The following NELL1 variants were observed in gnomAD, a reference collection of about 807,000 sequenced individuals.
The protein encoded by NELL1 is neural EGFL like 1.
Under a neutral mutation model 107.4 loss-of-function variants are expected in NELL1, and 76 were observed. The ratio of observed to expected loss-of-function variants is 0.71; its 90% CI spans 0.59 to 0.86. The LOEUF is 0.86. Ranked by LOEUF, NELL1 falls within the 40% of genes least tolerant of loss-of-function variation. The pLI is 0.00. For synonymous variants in NELL1, 353 were observed against 341.2 expected, an observed-to-expected ratio of 1.03 and a Z score of -0.38; for missense variants, 1,024 against 1,005.5, an observed-to-expected ratio of 1.02 and a Z score of -0.25.
chr11:20,850,039 G>A (rs1201428056), intron 4 of NELL1, among the ~76,000 whole-genome samples: 1 of 152,210 alleles, frequency 6.6e-6, no homozygotes, highest in Admixed American at 6.5e-5. Context: ...ATTTGGTGGA[G>A]AGGCTGGGCT....
intron 13 of NELL1, among the ~76,000 whole-genome samples, chr11:21,122,483 AATCT>A (rs1855392066): frequency 6.6e-6 from 1 of 152,118 alleles, no homozygotes; most frequent in Admixed American, 6.6e-5. Context: ...CTATCTATTT[AATCT>A]ATCTGTCTAT....
intron 3 of NELL1, among the ~76,000 whole-genome samples, chr11:20,828,342 A>C (rs980841627): frequency 4.3e-5 from 6 of 140,680 alleles, no homozygotes; most frequent in Non-Finnish European, 9.9e-5. Context: ...TGCATGTTCT[A>C]CTCTTGGAAT....
Position 21,130,518 on chromosome 11 carries a change from C to T in NELL1, c.1426+16804C>T, listed in dbSNP as rs188637785. Among the ~76,000 whole-genome samples, 413 of 152,302 alleles carry T rather than the reference C, an allele frequency of 2.7e-3. 2 individuals carry two copies. The highest frequency in any genetic ancestry group is 9.3e-3 in the African/African-American group (388 of 41,564). Reference sequence around the variant, plus strand: ...TGTCCCATGTCTGATAACAAGGCCTCCACATCTAAATCTACAGGGTAAACA... The same window carrying T: ...TGTCCCATGTCTGATAACAAGGCCTTCACATCTAAATCTACAGGGTAAACA... On this transcript the variant is annotated intron_variant, in intron 13 of 19. Transcript: ENST00000357134.
At position 21,179,893 on chromosome 11, in the gene NELL1, G is replaced by A. The variant is rs914661892; in HGVS notation, c.1427-49439G>A. Among the ~76,000 whole-genome samples, 6 of 37,026 alleles carry A rather than the reference G, an allele frequency of 1.6e-4. No individual in the cohort carries two copies. The Admixed American group carries it at 2.1e-3, about 13-fold the overall frequency. 24.3% of individuals were successfully genotyped at this position (37,026 alleles called of 152,430 possible). On this transcript the variant is annotated intron_variant, in intron 13 of 19. Transcript: ENST00000357134. ...TTTTTTTTTTTTTTTTTTTTGTAAAGGTCTAGCAAGTAAATATTTTAGGTT... is the reference window on the plus strand; with the variant it reads ...TTTTTTTTTTTTTTTTTTTTGTAAAAGTCTAGCAAGTAAATATTTTAGGTT...
intron 3 of NELL1, among the ~76,000 whole-genome samples, chr11:20,793,854 A>G (rs1439615296): frequency 6.6e-6 from 1 of 152,126 alleles, no homozygotes; most frequent in African/African-American, 2.4e-5. Context: ...TTTGAGTTGC[A>G]GAATTTTTTT....
At chr11:20,873,959 C>T (rs1279319850) in intron 4 of NELL1, among the ~76,000 whole-genome samples, 1 of 152,072 alleles carries the variant, frequency 6.6e-6, no homozygotes, top group Admixed American at 6.6e-5. Flanking sequence ...AGATGTGGGT[C>T]TTCCTATGTT....
chr11:20,851,364 A>C (rs2134062113), intron 4 of NELL1, among the ~76,000 whole-genome samples: 1 of 152,280 alleles, frequency 6.6e-6, no homozygotes, highest in Middle Eastern at 3.4e-3. Context: ...CTTAGTTAGA[A>C]GTTCCTGATG....
chr11:20,742,959 G>GATAT (rs1218718537), intron 2 of NELL1, among the ~76,000 whole-genome samples: 4 of 151,914 alleles, frequency 2.6e-5, no homozygotes, highest in African/African-American at 9.7e-5. Context: ...ATTTTCAATA[G>GATAT]ATATATACAT....
intron 12 of NELL1, among the ~76,000 whole-genome samples, chr11:20,993,859 G>T (rs1376787931): frequency 6.9e-6 from 1 of 144,582 alleles, no homozygotes; most frequent in East Asian, 2.0e-4. Context: ...GGGACCCATG[G>T]ATACAGAGAG....
intron 14 of NELL1, among the ~76,000 whole-genome samples, chr11:21,246,825 G>A (rs1447905784): frequency 6.6e-6 from 1 of 152,080 alleles, no homozygotes; most frequent in African/African-American, 2.4e-5. Flanking sequence ...AAGGCAAAAG[G>A]CACACCTTAC....
intron 12 of NELL1, among the ~76,000 whole-genome samples, chr11:21,004,002 C>A (rs1203819070): frequency 6.6e-6 from 1 of 152,082 alleles, no homozygotes; most frequent in Non-Finnish European, 1.5e-5. Flanking sequence ...TTCCATTGCC[C>A]TTGAATCTCT....
chr11:21,190,110 T>C (rs531183381), intron 13 of NELL1, among the ~76,000 whole-genome samples: 1 of 151,854 alleles, frequency 6.6e-6, no homozygotes, highest in East Asian at 1.9e-4. Context: ...CCCAGCACTT[T>C]GGGAGGCCGA....
At chr11:21,553,868 T>C (rs1420014868) in intron 16 of NELL1, among the ~76,000 whole-genome samples, 1 of 151,864 alleles carries the variant, frequency 6.6e-6, no homozygotes, top group Non-Finnish European at 1.5e-5. Flanking sequence ...GGAAAGTAAT[T>C]CTTTTCAGCA....
rs181382578 is a variant in NELL1 at position 21,319,678 on chromosome 11, G to A, written c.1550-51175G>A. Among the ~76,000 whole-genome samples, 23 of 151,726 alleles carry A rather than the reference G, an allele frequency of 1.5e-4. No individual in the cohort carries two copies. In the East Asian group the frequency reaches 3.5e-3, roughly 23 times the overall value. ...AAAAACAAACTCTTGGGCTAGGTGC[G>A]GTGGCTCATGCCTGTAATCCCAGCA... On this transcript the variant is annotated intron_variant, in intron 14 of 19. Coordinates refer to ENST00000357134, the MANE Select transcript of NELL1 (RefSeq NM_006157.5).
intron 2 of NELL1, among the ~76,000 whole-genome samples, chr11:20,767,518 G>A (rs1180106408): frequency 6.6e-6 from 1 of 152,070 alleles, no homozygotes. Context: ...AGCGCTGATT[G>A]GTGCATTTTT....
chr11:21,024,479 G>T (rs923327870), intron 12 of NELL1, among the ~76,000 whole-genome samples: 1 of 152,114 alleles, frequency 6.6e-6, no homozygotes, highest in South Asian at 2.1e-4. Flanking sequence ...ACTTTGAAGT[G>T]TTAGTTAAAA....
intron 14 of NELL1, among the ~76,000 whole-genome samples, chr11:21,288,167 G>T (rs1267765974): frequency 6.6e-6 from 1 of 151,622 alleles, no homozygotes; most frequent in Non-Finnish European, 1.5e-5. Context: ...AGGAAGGAAG[G>T]GCTTACTCCT....
intron 4 of NELL1, among the ~76,000 whole-genome samples, chr11:20,870,383 G>T (rs11825273): frequency 0.036 from 5,466 of 151,762 alleles, 298 homozygotes; most frequent in African/African-American, 0.13. Context: ...TTTGGTCTTG[G>T]AAATTAAAGG....
intron 4 of NELL1, among the ~76,000 whole-genome samples, chr11:20,864,194 A>G (rs943361036): frequency 6.6e-6 from 1 of 152,216 alleles, no homozygotes; most frequent in East Asian, 1.9e-4. Context: ...TTTTTTAAAT[A>G]GAAAATTGTA....
Sources: allele counts gnomAD v4.1 joint callset (sites outside exome capture counted in the v4.1 genomes callset), GRCh38; gene constraint gnomAD v4.1.1; transcripts MANE v1.5; gene names NCBI Gene and HGNC (gene_info 2026-07-23, HGNC 2026-07-21).